The following EPHA6 variants were observed in gnomAD, a reference collection of about 807,000 sequenced individuals.
The protein encoded by EPHA6 is ephrin type-A receptor 6.
In EPHA6, 50 loss-of-function variants were observed where a neutral mutation model predicts 112.0. The observed-to-expected ratio is 0.45, with a 90% CI of 0.36 to 0.56. EPHA6 has a LOEUF of 0.56. Among genes scored for constraint, EPHA6 ranks in the 20% least tolerant of loss-of-function variants. The probability of loss-of-function intolerance (pLI) is 0.00; values close to 1 mark genes in which losing one functional copy is unlikely to be tolerated. For synonymous variants in EPHA6, 529 were observed against 490.7 expected (o/e 1.08, Z -1.03); for missense variants, 1,280 against 1,417.4 (o/e 0.90, Z 1.56).
chr3:97,557,429 T>G (rs1179536528), intron 11 of EPHA6, among the ~76,000 whole-genome samples: 2 of 151,978 alleles, frequency 1.3e-5, no homozygotes, highest in Non-Finnish European at 2.9e-5. Context: ...TGTCCCTAGC[T>G]CTTTATTGGC....
At chr3:97,651,029 A>G (rs1560232622) in intron 14 of EPHA6, among the ~76,000 whole-genome samples, 1 of 152,094 alleles carries the variant, frequency 6.6e-6, no homozygotes, top group Non-Finnish European at 1.5e-5. Context: ...AACATTTGCT[A>G]TAGATTTGTG....
chr3:97,459,412 G>C (rs1426146823), intron 7 of EPHA6, among the ~76,000 whole-genome samples: 1 of 152,202 alleles, frequency 6.6e-6, no homozygotes, highest in East Asian at 1.9e-4. Flanking sequence ...GCTTTGGTTA[G>C]AGAACCAATG....
chr3:97,210,279 G>A (rs1267759583), intron 3 of EPHA6, among the ~76,000 whole-genome samples: 5 of 152,084 alleles, frequency 3.3e-5, no homozygotes, highest in Admixed American at 2.6e-4. Flanking sequence ...AATCATGGGG[G>A]AAGGCAAAGG....
intron 4 of EPHA6, among the ~76,000 whole-genome samples, chr3:97,243,119 T>A (rs2078895825): frequency 6.6e-6 from 1 of 151,872 alleles, no homozygotes. Context: ...GTGTGATCTT[T>A]GTGGAAAATA....
chr3:97,464,699 A>G (rs1207506656), intron 7 of EPHA6, among the ~76,000 whole-genome samples: 1 of 152,096 alleles, frequency 6.6e-6, no homozygotes, highest in Non-Finnish European at 1.5e-5. Context: ...TGTTGTTGCA[A>G]GTCATCAAAA....
intron 3 of EPHA6, among the ~76,000 whole-genome samples, chr3:97,041,373 G>T (rs115099766): frequency 6.6e-6 from 1 of 151,976 alleles, no homozygotes; most frequent in Non-Finnish European, 1.5e-5. Context: ...CTGAAAATTT[G>T]GGGTCTATTG....
intron 6 of EPHA6, among the ~76,000 whole-genome samples, chr3:97,411,553 G>T (rs771124889): frequency 1.3e-5 from 2 of 151,976 alleles, no homozygotes; most frequent in African/African-American, 2.4e-5. Context: ...TTAAAGATTT[G>T]TATATCCAAG....
chr3:97,111,528 C>T (rs1679070839), intron 3 of EPHA6, among the ~76,000 whole-genome samples: 2 of 152,048 alleles, frequency 1.3e-5, no homozygotes. Flanking sequence ...TCTGGGTGGG[C>T]AGGTCACCAT....
chr3:97,538,963 A>C (rs1018885962), intron 11 of EPHA6, among the ~76,000 whole-genome samples: 2 of 150,846 alleles, frequency 1.3e-5, no homozygotes, highest in Non-Finnish European at 3.0e-5. Context: ...TAGCTACTAC[A>C]TACTGGACAC....
intron 10 of EPHA6, among the ~76,000 whole-genome samples, chr3:97,508,644 G>A: frequency 6.6e-6 from 1 of 152,284 alleles, no homozygotes. Flanking sequence ...TTGATTTGGG[G>A]TGGAGAGTTC....
intron 2 of EPHA6, among the ~76,000 whole-genome samples, chr3:96,909,006 T>C (rs1484245569): frequency 6.6e-6 from 1 of 151,982 alleles, no homozygotes; most frequent in Non-Finnish European, 1.5e-5. Context: ...TTTTGCTTTA[T>C]ATTGATTCAA....
intron 2 of EPHA6, among the ~76,000 whole-genome samples, chr3:96,892,869 A>G (rs559060276): frequency 4.9e-4 from 75 of 152,018 alleles, no homozygotes; most frequent in Admixed American, 3.3e-3. Flanking sequence ...TCAGTAACAT[A>G]TGTCTATGTA....
intron 2 of EPHA6, among the ~76,000 whole-genome samples, chr3:96,938,143 A>C (rs1177130490): frequency 6.6e-6 from 1 of 151,922 alleles, no homozygotes; most frequent in Admixed American, 6.6e-5. Context: ...AATTCTGTGA[A>C]GAAAGTCATT....
chr3:96,850,110 G>T lies in EPHA6; in HGVS notation c.386-16715G>T, dbSNP rs539493660. Among the ~76,000 whole-genome samples, 10 of 152,236 alleles carry T rather than the reference G, an allele frequency of 6.6e-5. No homozygotes were observed. The East Asian group carries it at 1.4e-3, about 21-fold the overall frequency. ...ATCTTTCCAGCATTAGAGATGTCCA[G>T]TTTCAACTATTGTAAGTGATTTATT... On this transcript the variant is annotated intron_variant, in intron 1 of 17. Coordinates refer to ENST00000389672, the MANE Select transcript of EPHA6 (RefSeq NM_001080448.3).
chr3:97,486,814 C>T lies in EPHA6; in HGVS notation c.2200+2755C>T, dbSNP rs1426576117. On this transcript the variant is annotated intron_variant, in intron 10 of 17. Transcript: ENST00000389672. ...GAAGTGTGAACGTATTCCATAGCAG[C>T]AGTGTGGACAAAACATTGCTCAAAT... 1.3e-5 allele frequency among the ~76,000 whole-genome samples: 2 copies of T among 152,202 alleles called. 1 individual carries two copies. Among genetic ancestry groups the T allele is most frequent in the Admixed American group, 1.3e-4 (2 of 15,288 alleles).
chr3:96,981,619 G>A (rs2107820573), intron 2 of EPHA6, among the ~76,000 whole-genome samples: 1 of 152,172 alleles, frequency 6.6e-6, no homozygotes, highest in South Asian at 2.1e-4. Flanking sequence ...AATAATTTCA[G>A]AAGGAATGGT....
intron 2 of EPHA6, among the ~76,000 whole-genome samples, chr3:96,937,491 A>G (rs1326664020): frequency 6.6e-6 from 1 of 152,024 alleles, no homozygotes; most frequent in Non-Finnish European, 1.5e-5. Flanking sequence ...AGTTCATTGT[A>G]GATTCTGGAT....
At chr3:96,923,146 G>A (rs1013905990) in intron 2 of EPHA6, among the ~76,000 whole-genome samples, 3 of 152,046 alleles carry the variant, frequency 2.0e-5, no homozygotes, top group African/African-American at 2.4e-5. Context: ...ATTCCTTTGG[G>A]TGTATACCCA....
At chr3:97,640,483 G>C (rs954536293) in intron 14 of EPHA6, among the ~76,000 whole-genome samples, 5 of 152,038 alleles carry the variant, frequency 3.3e-5, no homozygotes, top group African/African-American at 1.2e-4. Flanking sequence ...GATATTATTG[G>C]GGCCGGGCAC....
Sources: allele counts gnomAD v4.1 joint callset (sites outside exome capture counted in the v4.1 genomes callset), GRCh38; gene constraint gnomAD v4.1.1; transcripts MANE v1.5; gene names NCBI Gene and HGNC (gene_info 2026-07-23, HGNC 2026-07-21).